Variants in NSF observed in about 807,000 individuals in gnomAD.
NSF encodes vesicle-fusing ATPase.
A neutral mutation model predicts 50.3 loss-of-function variants in NSF; 14 were observed. The ratio of observed to expected loss-of-function variants is 0.28; its 90% CI spans 0.18 to 0.44. NSF has a LOEUF of 0.44. Ranked by LOEUF, NSF falls within the 20% of genes least tolerant of loss-of-function variation. The pLI is 1.00. For missense variants in NSF, 218 were observed against 504.3 expected (o/e 0.43, Z 5.44); for synonymous variants, 109 against 175.7 (o/e 0.62, Z 3.00).
At chr17:46,722,759 G>A (rs2058845187) in intron 15 of NSF, among the ~76,000 whole-genome samples, 2 of 152,174 alleles carry the variant, frequency 1.3e-5, no homozygotes, top group Admixed American at 6.5e-5. Flanking sequence ...AGAAGAAAAA[G>A]GGATGTGTGT....
At chr17:46,741,770 T>TTTGTTG (rs147244018) in intron 17 of NSF, among the ~76,000 whole-genome samples, 3 of 151,604 alleles carry the variant, frequency 2.0e-5, no homozygotes, top group Admixed American at 1.3e-4. Flanking sequence ...GGTTTTTGTT[T>TTTGTTG]TTGTTGTTGT....
In NSF at chr17:46,719,929, T is replaced by A. The variant is rs930023305; in HGVS notation, c.1761+5943T>A. Among the ~76,000 whole-genome samples, 1 of 152,242 alleles carries A rather than the reference T, an allele frequency of 6.6e-6. No homozygotes were observed. The highest frequency in any genetic ancestry group is 2.4e-5 in the African/African-American group (1 of 41,468). On this transcript the variant is annotated intron_variant, in intron 15 of 20. Transcript: ENST00000398238. The surrounding 1 kb of genome is among the most constrained non-coding windows in gnomAD (Gnocchi z 4.3). ...TTAATAACATGATATAGTCTTATTT[T>A]CAAAGGATTGAAAATTAATGGAAGA...
At chr17:46,657,970 A>ATTTT (rs200879873) in intron 8 of NSF, among the ~76,000 whole-genome samples, 1 of 14,892 alleles carries the variant, frequency 6.7e-5, no homozygotes, top group Non-Finnish European at 1.4e-4. Flanking sequence ...TATTTTATTT[A>ATTTT]TTTTTTTTTT....
At chr17:46,735,756 C>T (rs1393900788) in intron 17 of NSF, among the ~76,000 whole-genome samples, 1 of 152,054 alleles carries the variant, frequency 6.6e-6, no homozygotes, top group Non-Finnish European at 1.5e-5. Context: ...ACCAGCATGG[C>T]CAACATAGTG....
At chr17:46,733,371 A>T (rs1049121292) in intron 17 of NSF, among the ~76,000 whole-genome samples, 1 of 150,966 alleles carries the variant, frequency 6.6e-6, no homozygotes, top group Non-Finnish European at 1.5e-5. Context: ...TTTTTGGGAG[A>T]CAGAGTGTCT....
intron 19 of NSF, among the ~76,000 whole-genome samples, chr17:46,752,253 C>T (rs2059188263): frequency 6.6e-6 from 1 of 152,166 alleles, no homozygotes; most frequent in South Asian, 2.1e-4. Context: ...CTCATATCTC[C>T]TGGCAACTTA....
At chr17:46,622,329 G>A (rs2058074372) in intron 1 of NSF, among the ~76,000 whole-genome samples, 1 of 149,404 alleles carries the variant, frequency 6.7e-6, no homozygotes, top group African/African-American at 2.5e-5. Flanking sequence ...GTGGTGGTGG[G>A]TACCTGTAGT....
At chr17:46,725,007 ACT>A (rs758819802) in intron 15 of NSF, among the ~76,000 whole-genome samples, 1 of 152,028 alleles carries the variant, frequency 6.6e-6, no homozygotes. Flanking sequence ...CTTCTTAATT[ACT>A]CTCTAATAAG....
intron 8 of NSF, among the ~76,000 whole-genome samples, chr17:46,649,092 T>TG (rs2058238911): frequency 1.5e-5 from 1 of 68,570 alleles, no homozygotes; most frequent in Non-Finnish European, 2.8e-5. Flanking sequence ...GTATGTTTCT[T>TG]GGGGTGACTC....
chr17:46,679,770 A>G (rs1272766449), intron 9 of NSF, among the ~76,000 whole-genome samples: 14 of 151,978 alleles, frequency 9.2e-5, no homozygotes, highest in Non-Finnish European at 1.8e-4. Flanking sequence ...ATTGTGCCCA[A>G]ACTTTTCCAA....
chr17:46,625,879 TAAAAAAAAAAA>T (rs147622864), intron 2 of NSF, among the ~76,000 whole-genome samples: 8 of 59,034 alleles, frequency 1.4e-4, no homozygotes, highest in African/African-American at 5.2e-4. Context: ...CCACATGTAT[TAAAAAAAAAAA>T]AAAAAAAAAA....
intron 15 of NSF, 64 bp downstream of exon 15, chr17:46,714,050 A>G (rs1196487161): frequency 6.6e-6 from 10 of 1,505,544 alleles, no homozygotes; most frequent in South Asian, 2.7e-5. Context: ...GTGCACATAT[A>G]TATGCCTTTG....
intron 17 of NSF, among the ~76,000 whole-genome samples, chr17:46,739,027 G>A (rs2059038313): frequency 6.6e-6 from 1 of 151,646 alleles, no homozygotes; most frequent in Non-Finnish European, 1.5e-5. Context: ...CTTGAGTCCA[G>A]GACTTCTAGA....
At chr17:46,747,106 GC>G (rs1568060630) in intron 17 of NSF, among the ~76,000 whole-genome samples, 1 of 152,126 alleles carries the variant, frequency 6.6e-6, no homozygotes, top group Non-Finnish European at 1.5e-5. Flanking sequence ...CTATAGTGAA[GC>G]CCCCCGACAC....
chr17:46,685,548 G>A (rs546690003), intron 9 of NSF, among the ~76,000 whole-genome samples: 7,192 of 151,632 alleles, frequency 0.047, 599 homozygotes, highest in African/African-American at 0.16. Context: ...GGGCTCAACA[G>A]CGTCAGCTCT....
At chr17:46,733,655 C>T (rs973042956) in intron 17 of NSF, among the ~76,000 whole-genome samples, 2 of 152,170 alleles carry the variant, frequency 1.3e-5, no homozygotes, top group Non-Finnish European at 2.9e-5. Flanking sequence ...TGAGGCCACT[C>T]ACAACTGGCC....
chr17:46,608,872 G>A (rs1200677127), intron 1 of NSF, among the ~76,000 whole-genome samples: 2 of 152,004 alleles, frequency 1.3e-5, no homozygotes, highest in African/African-American at 4.9e-5. Flanking sequence ...GGGATTACAG[G>A]CATGAGCCCG....
intron 17 of NSF, among the ~76,000 whole-genome samples, chr17:46,738,840 G>A (rs1178331849): frequency 2.0e-5 from 3 of 152,232 alleles, no homozygotes; most frequent in East Asian, 1.9e-4. Context: ...AGTGGCTTAC[G>A]CCTATAATCC....
chr17:46,657,970 ATTT>A (rs200879873), intron 8 of NSF, among the ~76,000 whole-genome samples: 1 of 14,894 alleles, frequency 6.7e-5, no homozygotes, highest in Non-Finnish European at 1.4e-4. Flanking sequence ...TATTTTATTT[ATTT>A]TTTTTTTTTT....
Sources: allele counts gnomAD v4.1 joint callset (sites outside exome capture counted in the v4.1 genomes callset), GRCh38; gene constraint gnomAD v4.1.1; non-coding constraint Gnocchi (gnomAD v3.1); transcripts MANE v1.5; gene names NCBI Gene and HGNC (gene_info 2026-07-23, HGNC 2026-07-21).